Variants in ABI3BP observed in about 807,000 individuals in gnomAD.
ABI3BP encodes ABI family member 3 binding protein, also known as target of Nesh-SH3.
In ABI3BP, 216 loss-of-function variants were observed where a neutral mutation model predicts 268.6. The ratio of observed to expected loss-of-function variants is 0.80; its 90% CI spans 0.72 to 0.90. ABI3BP has a LOEUF of 0.90. Among genes scored for constraint, ABI3BP ranks in the 40% least tolerant of loss-of-function variants. The probability of loss-of-function intolerance (pLI) is 0.00; values close to 1 mark genes in which losing one functional copy is unlikely to be tolerated. For missense variants in ABI3BP, 2,090 were observed against 2,182.4 expected, an observed-to-expected ratio of 0.96 and a Z score of 0.84; for synonymous variants, 730 against 730.0, an observed-to-expected ratio of 1.00 and a Z score of 0.00.
intron 66 of ABI3BP, 34 bp downstream of exon 66, chr3:100,752,753 A>C (rs1219954972): frequency 6.2e-7 from 1 of 1,604,516 alleles, no homozygotes. Flanking sequence ...CCCATAAGTT[A>C]AGGGCTGAAA....
In ABI3BP at chr3:100,794,945, T is replaced by C; in HGVS notation, c.3924A>G (p.Gln1308=). The C allele has an allele frequency of 6.4e-7, 1 of 1,571,646 alleles. No homozygotes were observed. The highest frequency in any genetic ancestry group is 1.2e-5 in the South Asian group (1 of 84,908). The change falls in exon 54 of 68, where the codon CAA becomes CAG. Residue 1308 remains glutamine (Q), a synonymous_variant. Coordinates refer to ENST00000471714, the MANE Select transcript of ABI3BP (RefSeq NM_001375547.2). ...FIPMISPSPS[Q]EELQTTLEET... is the part of the protein sequence containing the mutation. ...TACCCAGAGTGGTCTGTAGTTCCTC[T>C]TGACTAGGACTTGGGGAAATCATGG...
At chr3:100,919,145 T>C (rs572573394) in intron 2 of ABI3BP, among the ~76,000 whole-genome samples, 1 of 152,266 alleles carries the variant, frequency 6.6e-6, no homozygotes, top group South Asian at 2.1e-4. Context: ...TTTCCTTCTA[T>C]TGGTTTATCC....
At chr3:100,900,741 C>T (rs1192408494) in intron 3 of ABI3BP, among the ~76,000 whole-genome samples, 4 of 151,894 alleles carry the variant, frequency 2.6e-5, no homozygotes, top group African/African-American at 9.7e-5. Flanking sequence ...TACATTATTC[C>T]TAAATGCAGA....
chr3:100,826,859 T>C (rs956191410), intron 34 of ABI3BP, among the ~76,000 whole-genome samples: 2 of 152,096 alleles, frequency 1.3e-5, no homozygotes, highest in Non-Finnish European at 2.9e-5. Context: ...ATGAGAACAA[T>C]GTCAGACTCA....
chr3:100,764,762 C>A (rs1036273900), intron 63 of ABI3BP, among the ~76,000 whole-genome samples: 5 of 152,188 alleles, frequency 3.3e-5, no homozygotes, highest in African/African-American at 1.2e-4. Context: ...AGACTTTCTC[C>A]CCCTCTCGAT....
chr3:100,966,224 G>A (rs187894537), intron 1 of ABI3BP, among the ~76,000 whole-genome samples: 3 of 152,314 alleles, frequency 2.0e-5, no homozygotes, highest in Admixed American at 6.5e-5. Context: ...ATGAATACAG[G>A]CAAGAGCTCT....
chr3:100,959,584 ATAACAAG>A lies in ABI3BP; in HGVS notation c.80-33110_80-33104del, dbSNP rs367728576. On this transcript the variant is annotated intron_variant, in intron 1 of 67. Transcript: ENST00000471714. Reference sequence around the variant, plus strand: ...CTATCAATTGGCTAATAATCATTGAATAACAAGTAACAGTAGTCTACTGCCCAGGGGA... The same window carrying A: ...CTATCAATTGGCTAATAATCATTGAATAACAGTAGTCTACTGCCCAGGGGA... 7.0e-3 allele frequency among the ~76,000 whole-genome samples: 1,070 copies of A among 152,196 alleles called. 14 individuals carry two copies. The highest frequency in any genetic ancestry group is 0.023 in the African/African-American group (974 of 41,524).
rs1286699960 is a variant in ABI3BP at position 100,816,717 on chromosome 3, G to C, written c.3200C>G (p.Ser1067Ter). ...RRPRPRPKTT[S>*]SPEVPQNKSV... The stretch of plus-strand genomic sequence containing the variant: ...TTTGTTCTGAGGTACTTCAGGACTT[G>C]ATGTAGTTTTGGGTCTGGGACGGGG... The change falls in exon 43 of 68, where the codon TCA becomes TGA. Residue 1067 changes from serine to a stop codon, truncating the protein, a stop_gained. Transcript: ENST00000471714. LOFTEE classifies it high-confidence loss of function. 1.3e-6 allele frequency: 2 copies of C among 1,535,858 alleles called. No individual in the cohort carries two copies. Among genetic ancestry groups the C allele is most frequent in the South Asian group, 2.4e-5 (2 of 84,048 alleles).
intron 7 of ABI3BP, among the ~76,000 whole-genome samples, chr3:100,876,193 G>A (rs1335785183): frequency 6.6e-6 from 1 of 152,130 alleles, no homozygotes; most frequent in East Asian, 1.9e-4. Context: ...CACTAAATCA[G>A]TGGGTTTCTT....
intron 24 of ABI3BP, 98 bp from the exon 25 acceptor site, chr3:100,838,562 C>A: frequency 9.8e-7 from 1 of 1,016,692 alleles, no homozygotes; most frequent in South Asian, 1.4e-5. Flanking sequence ...ATAAATTCAA[C>A]GAATCTATAA....
intron 21 of ABI3BP, among the ~76,000 whole-genome samples, chr3:100,841,580 G>T (rs1580016080): frequency 6.6e-6 from 1 of 152,006 alleles, no homozygotes; most frequent in Non-Finnish European, 1.5e-5. Flanking sequence ...GCTGGAAAAA[G>T]ATCTGAAGGA....
chr3:100,866,405 T>C (rs1011032635), intron 10 of ABI3BP, among the ~76,000 whole-genome samples: 3 of 152,238 alleles, frequency 2.0e-5, no homozygotes, highest in African/African-American at 7.2e-5. Flanking sequence ...TGAACTATTC[T>C]ATATTCTCTA....
At chr3:100,961,611 CAA>C (rs2079129490) in intron 1 of ABI3BP, among the ~76,000 whole-genome samples, 1 of 152,210 alleles carries the variant, frequency 6.6e-6, no homozygotes, top group African/African-American at 2.4e-5. Context: ...TACTATGATG[CAA>C]AAAGTCACAC....
chr3:100,771,126 G>A lies in ABI3BP; in HGVS notation c.4532-174C>T, dbSNP rs116102860. ...ATTCAAAATCTTGCCTCTGAGATAC[G>A]TGATATAGGGTGGTGTTGATTTACT... On this transcript the variant is annotated intron_variant, in intron 61 of 67. Coordinates refer to ENST00000471714, the MANE Select transcript of ABI3BP (RefSeq NM_001375547.2). Among the ~76,000 whole-genome samples the A allele has an allele frequency of 3.5e-3, 532 of 152,286 alleles. 5 individuals carry two copies. Among genetic ancestry groups the A allele is most frequent in the Non-Finnish European group, 5.0e-3 (338 of 68,020 alleles).
In ABI3BP at chr3:100,749,466, T is replaced by C. The variant is rs1215924348; in HGVS notation, c.*1029A>G. 1 of 393,858 alleles carries C rather than the reference T, an allele frequency of 2.5e-6. No homozygotes were observed. The highest frequency in any genetic ancestry group is 3.6e-5 in the East Asian group (1 of 27,772). 24.4% of individuals were successfully genotyped at this position (393,858 alleles called of 1,614,324 possible). Reference sequence around the variant, plus strand: ...GGTCCTTTCAGAATGACTGCAACAGTGCAGCAAGGATTCCCATTCCCCGCC... The same window carrying C: ...GGTCCTTTCAGAATGACTGCAACAGCGCAGCAAGGATTCCCATTCCCCGCC... On this transcript the variant is annotated 3_prime_UTR_variant, in exon 68 of 68. Coordinates refer to ENST00000471714, the MANE Select transcript of ABI3BP (RefSeq NM_001375547.2).
At chr3:100,757,827 T>C (rs1401525572) in intron 63 of ABI3BP, among the ~76,000 whole-genome samples, 3 of 151,718 alleles carry the variant, frequency 2.0e-5, no homozygotes, top group South Asian at 2.1e-4. Context: ...ATGGACAAAA[T>C]GGTAAAAAAA....
chr3:100,838,982 C>A (rs1307839067), intron 24 of ABI3BP, among the ~76,000 whole-genome samples: 1 of 152,058 alleles, frequency 6.6e-6, no homozygotes, highest in African/African-American at 2.4e-5. Context: ...AGTATTAGTA[C>A]TAAAAACAAT....
At chr3:100,816,071 T>G in intron 43 of ABI3BP, 100 bp from the exon 44 acceptor site, 1 of 947,702 alleles carries the variant, frequency 1.1e-6, no homozygotes, top group Non-Finnish European at 1.5e-6. Context: ...TGATACACAA[T>G]TTTTTAAAAC....
At chr3:100,874,155 G>A (rs911308988) in intron 9 of ABI3BP, among the ~76,000 whole-genome samples, 15 of 152,078 alleles carry the variant, frequency 9.9e-5, no homozygotes, top group South Asian at 4.1e-4. Context: ...GCCCCATACC[G>A]GACCTACTGA....
Sources: allele counts gnomAD v4.1 joint callset (sites outside exome capture counted in the v4.1 genomes callset), GRCh38; gene constraint gnomAD v4.1.1; transcripts MANE v1.5; gene names NCBI Gene and HGNC (gene_info 2026-07-23, HGNC 2026-07-21).